SPATA16: variants seen among roughly 807,000 people sequenced by gnomAD.
The protein encoded by SPATA16 is spermatogenesis-associated protein 16.
Under a neutral mutation model 63.3 loss-of-function variants are expected in SPATA16, and 36 were observed. The observed-to-expected ratio is 0.57, with a 90% CI of 0.44 to 0.75. The LOEUF is 0.75. SPATA16 is among the 30% of genes least tolerant of loss of function. The probability of loss-of-function intolerance (pLI) is 0.00; values close to 1 mark genes in which losing one functional copy is unlikely to be tolerated. For missense variants in SPATA16, 646 were observed against 679.3 expected (o/e 0.95, Z 0.54); for synonymous variants, 203 against 216.7 (o/e 0.94, Z 0.56).
chr3:173,065,838 A>C (rs1736506379), intron 2 of SPATA16, among the ~76,000 whole-genome samples: 1 of 151,598 alleles, frequency 6.6e-6, no homozygotes, highest in African/African-American at 2.4e-5. Flanking sequence ...CAGTATGAGG[A>C]GCCTGAGTTC....
chr3:172,927,153 T>TA (rs947436519), intron 6 of SPATA16, among the ~76,000 whole-genome samples: 1 of 152,100 alleles, frequency 6.6e-6, no homozygotes, highest in Non-Finnish European at 1.5e-5. Context: ...TAAAAGCCAA[T>TA]AAAAAGTAGG....
chr3:172,933,150 G>A (rs1732907451), intron 6 of SPATA16, among the ~76,000 whole-genome samples: 1 of 152,130 alleles, frequency 6.6e-6, no homozygotes, highest in Non-Finnish European at 1.5e-5. Context: ...AAACATTAAA[G>A]ATATTAAATA....
chr3:173,064,952 G>A (rs1736480412), intron 2 of SPATA16, among the ~76,000 whole-genome samples: 3 of 152,180 alleles, frequency 2.0e-5, no homozygotes, highest in African/African-American at 4.8e-5. Context: ...TGCAACTCAT[G>A]TGAAGGTGTA....
At chr3:173,038,379 C>T (rs966670464) in intron 3 of SPATA16, among the ~76,000 whole-genome samples, 8 of 151,904 alleles carry the variant, frequency 5.3e-5, no homozygotes, top group African/African-American at 1.7e-4. Context: ...TGGGTGAGGC[C>T]GATTCAGTGG....
rs59773490 is a variant in SPATA16, at chr3:173,064,320, C to CAAAAA, written c.613-15231_613-15227dup. ...GAAACTCCATCACACACACGCACAC[C>CAAAAA]AAAAAAAAAAAAAAAAAAAAGGAAG... On this transcript the variant is annotated intron_variant, in intron 2 of 10. Coordinates refer to ENST00000351008, the MANE Select transcript of SPATA16 (RefSeq NM_031955.6). Among the ~76,000 whole-genome samples the CAAAAA allele has an allele frequency of 3.8e-4, 22 of 57,606 alleles. 2 individuals carry two copies. Among genetic ancestry groups the CAAAAA allele is most frequent in the African/African-American group, 8.4e-4 (12 of 14,334 alleles). 37.8% of individuals were successfully genotyped at this position (57,606 alleles called of 152,430 possible).
chr3:172,963,031 G>C (rs1733826026), intron 5 of SPATA16, among the ~76,000 whole-genome samples: 1 of 152,008 alleles, frequency 6.6e-6, no homozygotes, highest in South Asian at 2.1e-4. Context: ...CAATCACTGT[G>C]TCGTTTATGT....
chr3:172,969,377 C>G (rs1360820515), intron 5 of SPATA16, among the ~76,000 whole-genome samples: 2 of 152,144 alleles, frequency 1.3e-5, no homozygotes, highest in African/African-American at 4.8e-5. Context: ...CATACCTTTG[C>G]ACATAGGGCA....
chr3:173,117,734 A>C lies in SPATA16; in HGVS notation c.-3T>G. On this transcript the variant is annotated 5_prime_UTR_variant, in exon 2 of 11. Transcript: ENST00000351008. ...CTCCTACTGCTTCCTGCATCCATCG[A>C]TCCTGCCCAAAACTCCTGCAGGGGG... 1 of 1,614,100 alleles carries C rather than the reference A, an allele frequency of 6.2e-7. No individual in the cohort carries two copies. Among genetic ancestry groups the C allele is most frequent in the Non-Finnish European group, 8.5e-7 (1 of 1,179,982 alleles).
intron 1 of SPATA16, among the ~76,000 whole-genome samples, chr3:173,131,564 C>T (rs140525676): frequency 2.2e-4 from 33 of 152,240 alleles, no homozygotes; most frequent in Non-Finnish European, 4.0e-4. Flanking sequence ...ACACAGAGCT[C>T]TTTTACCACT....
intron 3 of SPATA16, among the ~76,000 whole-genome samples, chr3:173,043,446 A>G (rs1206676207): frequency 3.3e-5 from 5 of 151,874 alleles, no homozygotes; most frequent in African/African-American, 1.2e-4. Context: ...GGCCTTTGTG[A>G]TATTGTAGTC....
chr3:173,056,705 CAAAAAAA>C (rs71162325), intron 2 of SPATA16, among the ~76,000 whole-genome samples: 114 of 73,600 alleles, frequency 1.5e-3, no homozygotes, highest in African/African-American at 3.5e-3. Flanking sequence ...ACTCTTGTTT[CAAAAAAA>C]AAAAAAAAAA....
At chr3:172,965,624 T>G (rs920747103) in intron 5 of SPATA16, among the ~76,000 whole-genome samples, 1 of 151,990 alleles carries the variant, frequency 6.6e-6, no homozygotes, top group Non-Finnish European at 1.5e-5. Context: ...CCTTATATTT[T>G]TCTTTATTAT....
chr3:172,995,942 TC>T (rs1734683476), intron 4 of SPATA16, among the ~76,000 whole-genome samples: 1 of 152,150 alleles, frequency 6.6e-6, no homozygotes, highest in Non-Finnish European at 1.5e-5. Flanking sequence ...ATGGACTTTT[TC>T]AAATCTCACC....
Position 173,107,788 on chromosome 3 carries a change from C to T in SPATA16, c.612+9332G>A, listed in dbSNP as rs549339504. Among the ~76,000 whole-genome samples the T allele has an allele frequency of 7.9e-5, 12 of 152,116 alleles. No individual in the cohort carries two copies. In the South Asian group the frequency reaches 2.3e-3, roughly 29 times the overall value. The stretch of plus-strand genomic sequence containing the variant: ...TGGGGTCCGTAACAGAGGAAAGAGA[C>T]GGAATTGCTGTTTTTAAGTCTATTT... On this transcript the variant is annotated intron_variant, in intron 2 of 10. Coordinates refer to ENST00000351008, the MANE Select transcript of SPATA16 (RefSeq NM_031955.6).
At chr3:172,926,449 A>G (rs1280649626) in intron 6 of SPATA16, among the ~76,000 whole-genome samples, 1 of 152,164 alleles carries the variant, frequency 6.6e-6, no homozygotes, top group Non-Finnish European at 1.5e-5. Context: ...AATTCCACAT[A>G]ATAACTTCAC....
chr3:172,940,074 G>A (rs55829292), intron 6 of SPATA16, among the ~76,000 whole-genome samples: 2,143 of 152,274 alleles, frequency 0.014, 53 homozygotes, highest in African/African-American at 0.05. Flanking sequence ...ATACCAAAGA[G>A]GGCCTGGAGG....
chr3:173,060,483 A>G (rs1736351359), intron 2 of SPATA16, among the ~76,000 whole-genome samples: 1 of 152,212 alleles, frequency 6.6e-6, no homozygotes, highest in Admixed American at 6.5e-5. Context: ...AAGAACCAAT[A>G]TGAGATAAGA....
intron 4 of SPATA16, among the ~76,000 whole-genome samples, chr3:173,008,450 G>C (rs547615405): frequency 1.3e-5 from 2 of 152,030 alleles, no homozygotes; most frequent in Non-Finnish European, 2.9e-5. Flanking sequence ...TCCCTATTTT[G>C]GCTTCTTTAG....
Position 172,924,295 on chromosome 3 carries a change from C to G in SPATA16, c.1251G>C (p.Leu417=). 6.2e-7 allele frequency: 1 copy of G among 1,613,166 alleles called. No individual in the cohort carries two copies. Among genetic ancestry groups the G allele is most frequent in the Non-Finnish European group, 8.5e-7 (1 of 1,179,590 alleles). Residue 417 remains leucine, a synonymous_variant, in exon 8 of 11, where the codon CTG becomes CTC. Coordinates refer to ENST00000351008, the MANE Select transcript of SPATA16 (RefSeq NM_031955.6). ...IFTEHKTPFG[L]TREDTVRQME... is the part of the protein sequence containing the mutation. ...TTTGCCTCACTGTATCTTCTCTGGT[C>G]AGACCGAAAGGTGTTTTATGCTCTA... is the stretch of plus-strand genomic sequence containing the variant.
Sources: gnomAD v4.1 joint callset for allele counts (sites outside exome capture counted in the v4.1 genomes callset) on GRCh38, gnomAD v4.1.1 for gene constraint, MANE v1.5 for transcripts, NCBI Gene and HGNC (gene_info 2026-07-23, HGNC 2026-07-21) for gene names.